PTPRG: variants seen among roughly 807,000 people sequenced by gnomAD.
PTPRG encodes the protein protein tyrosine phosphatase receptor type G, also known as receptor-type tyrosine-protein phosphatase gamma.
In PTPRG, 102 loss-of-function variants were observed where a neutral mutation model predicts 165.3. The observed-to-expected ratio is 0.62, with a 90% CI of 0.53 to 0.73. PTPRG has a LOEUF of 0.73. PTPRG is among the 30% of genes least tolerant of loss of function. PTPRG has a pLI of 0.00. For synonymous variants in PTPRG, 675 were observed against 669.5 expected (o/e 1.01, Z -0.13); for missense variants, 1,866 against 1,861.4 (o/e 1.00, Z -0.05).
Position 61,684,235 on chromosome 3 carries a change from G to T in PTPRG, c.86-64643G>T, listed in dbSNP as rs1383168007. On this transcript the variant is annotated intron_variant, in intron 1 of 29. Coordinates refer to ENST00000474889, the MANE Select transcript of PTPRG (RefSeq NM_002841.4). The stretch of plus-strand genomic sequence containing the variant: ...CCCTATGGGAGTGTATATGCTGGTG[G>T]TGATGGTGGGGGATCTCACCTTTGT... 2.0e-5 allele frequency among the ~76,000 whole-genome samples: 3 copies of T among 152,138 alleles called. No homozygotes were observed. In the East Asian group the frequency reaches 5.8e-4, roughly 29 times the overall value.
At chr3:61,773,156 A>G (rs1575652218) in intron 2 of PTPRG, among the ~76,000 whole-genome samples, 1 of 152,130 alleles carries the variant, frequency 6.6e-6, no homozygotes, top group Non-Finnish European at 1.5e-5. Context: ...AGGTTTGCAG[A>G]GGGGTTGAAT....
chr3:61,799,188 C>T (rs911176024), intron 2 of PTPRG, among the ~76,000 whole-genome samples: 4 of 151,950 alleles, frequency 2.6e-5, no homozygotes, highest in East Asian at 1.9e-4. Flanking sequence ...AAAGAGTTCC[C>T]ATATACCCCA....
At chr3:62,009,552 CA>C (rs2107735222) in intron 4 of PTPRG, among the ~76,000 whole-genome samples, 1 of 152,302 alleles carries the variant, frequency 6.6e-6, no homozygotes, top group East Asian at 1.9e-4. Flanking sequence ...AATGATTTGC[CA>C]TCAATTTTAT....
intron 4 of PTPRG, among the ~76,000 whole-genome samples, chr3:62,077,567 A>G (rs752512835): frequency 3.5e-4 from 53 of 152,234 alleles, no homozygotes; most frequent in Non-Finnish European, 5.7e-4. Context: ...AAATTTCACC[A>G]TGACCTGGCT....
At chr3:61,999,850 ATGAG>A (rs1202277624) in intron 3 of PTPRG, among the ~76,000 whole-genome samples, 1 of 152,222 alleles carries the variant, frequency 6.6e-6, no homozygotes, top group Non-Finnish European at 1.5e-5. Context: ...TGGGAAATGA[ATGAG>A]TATCAGGGAA....
chr3:61,841,791 G>A (rs946398157), intron 2 of PTPRG, among the ~76,000 whole-genome samples: 7 of 152,090 alleles, frequency 4.6e-5, no homozygotes, highest in African/African-American at 1.7e-4. Context: ...GTGCCAGGGC[G>A]ACAGAGCGAG....
At position 62,191,550 on chromosome 3, in the gene PTPRG, C is replaced by CT; in HGVS notation, c.1116dup (p.Ile373TyrfsTer19). 6.2e-7 allele frequency: 1 copy of CT among 1,614,186 alleles called. No homozygotes were observed. Among genetic ancestry groups the CT allele is most frequent in the Non-Finnish European group, 8.5e-7 (1 of 1,180,026 alleles). On this transcript the variant is annotated frameshift_variant, in exon 9 of 30. Coordinates refer to ENST00000474889, the MANE Select transcript of PTPRG (RefSeq NM_002841.4). LOFTEE classifies it high-confidence loss of function. ...CAGGTGTCCTGGAGCCAGCCGGAGA[C>CT]TATCTACCACCCACCCATCATGAAC...
At chr3:62,183,141 C>T (rs1269632191) in intron 8 of PTPRG, among the ~76,000 whole-genome samples, 1 of 152,206 alleles carries the variant, frequency 6.6e-6, no homozygotes, top group African/African-American at 2.4e-5. Context: ...ATCTAGGTCT[C>T]TAAAACAAGG....
At chr3:61,842,844 G>A (rs1024903108) in intron 2 of PTPRG, among the ~76,000 whole-genome samples, 1 of 152,108 alleles carries the variant, frequency 6.6e-6, no homozygotes, top group African/African-American at 2.4e-5. Context: ...ACCTGGAGGG[G>A]AGCATACTGA....
At chr3:61,965,105 G>C (rs1490440766) in intron 2 of PTPRG, among the ~76,000 whole-genome samples, 1 of 151,878 alleles carries the variant, frequency 6.6e-6, no homozygotes, top group Non-Finnish European at 1.5e-5. Flanking sequence ...TTATCCAGAC[G>C]TGGTGGCATG....
At chr3:61,985,987 A>G (rs1048174017) in intron 2 of PTPRG, among the ~76,000 whole-genome samples, 6 of 152,212 alleles carry the variant, frequency 3.9e-5, no homozygotes, top group African/African-American at 9.6e-5. Flanking sequence ...TTACTCCTGA[A>G]GTTGACATCC....
chr3:62,107,304 TC>T (rs1232198053), intron 5 of PTPRG, among the ~76,000 whole-genome samples: 1 of 152,244 alleles, frequency 6.6e-6, no homozygotes, highest in Non-Finnish European at 1.5e-5. Flanking sequence ...ATTAGTCACC[TC>T]CTAATTTGAG....
At chr3:61,911,093 G>C (rs1295283316) in intron 2 of PTPRG, among the ~76,000 whole-genome samples, 2 of 152,032 alleles carry the variant, frequency 1.3e-5, no homozygotes, top group African/African-American at 4.8e-5. Flanking sequence ...GTGTCTTTAG[G>C]AAAGCCCCTC....
intron 1 of PTPRG, among the ~76,000 whole-genome samples, chr3:61,563,791 G>A (rs547590929): frequency 7.1e-6 from 1 of 140,598 alleles, no homozygotes; most frequent in East Asian, 2.3e-4. Context: ...GGGCGCGCGG[G>A]AGCCCTCGTC....
At chr3:61,795,807 A>G (rs550568338) in intron 2 of PTPRG, among the ~76,000 whole-genome samples, 1 of 152,246 alleles carries the variant, frequency 6.6e-6, no homozygotes, top group South Asian at 2.1e-4. Flanking sequence ...AGAACTTTGT[A>G]TATACTGTGT....
At chr3:61,815,680 C>T (rs1219159779) in intron 2 of PTPRG, among the ~76,000 whole-genome samples, 1 of 152,202 alleles carries the variant, frequency 6.6e-6, no homozygotes, top group Non-Finnish European at 1.5e-5. Context: ...CCTCATTGCT[C>T]TGTGATCTTA....
intron 1 of PTPRG, among the ~76,000 whole-genome samples, chr3:61,731,900 C>T (rs1389106887): frequency 6.6e-6 from 1 of 151,780 alleles, no homozygotes; most frequent in Non-Finnish European, 1.5e-5. Flanking sequence ...CTCCCAGGTT[C>T]AAGGGATTCT....
chr3:62,094,670 C>A (rs1460808297), intron 5 of PTPRG, among the ~76,000 whole-genome samples: 1 of 152,190 alleles, frequency 6.6e-6, no homozygotes, highest in Non-Finnish European at 1.5e-5. Context: ...TTGCTCAGTA[C>A]CCAGAGCCAG....
intron 1 of PTPRG, among the ~76,000 whole-genome samples, chr3:61,669,307 C>T (rs1321060329): frequency 2.6e-5 from 4 of 152,008 alleles, no homozygotes; most frequent in Admixed American, 1.3e-4. Context: ...AGTTGTTCAC[C>T]GAGACCCAGA....
Sources: allele counts gnomAD v4.1 joint callset (sites outside exome capture counted in the v4.1 genomes callset), GRCh38; gene constraint gnomAD v4.1.1; transcripts MANE v1.5; gene names NCBI Gene and HGNC (gene_info 2026-07-23, HGNC 2026-07-21).